The following PTPRD variants were observed in gnomAD, a reference collection of about 807,000 sequenced individuals.
PTPRD encodes protein tyrosine phosphatase receptor type D.
In PTPRD, 34 loss-of-function variants were observed where a neutral mutation model predicts 214.5. The ratio of observed to expected loss-of-function variants is 0.16; its 90% confidence interval spans 0.12 to 0.21. The LOEUF (loss-of-function observed/expected upper bound fraction) is 0.21, where lower values mean the gene tolerates loss of function less well. Ranked by LOEUF, PTPRD falls within the 10% of genes least tolerant of loss-of-function variation. The probability of loss-of-function intolerance (pLI) is 1.00; values close to 1 mark genes in which losing one functional copy is unlikely to be tolerated. For synonymous variants in PTPRD, 1,128 were observed against 845.7 expected (o/e 1.33, Z -5.79); for missense variants, 2,545 against 2,398.7 (o/e 1.06, Z -1.27).
At chr9:8,513,329 C>T (rs1055685402) in intron 21 of PTPRD, among the ~76,000 whole-genome samples, 6 of 151,998 alleles carry the variant, frequency 3.9e-5, no homozygotes, top group African/African-American at 1.4e-4. Flanking sequence ...CACAAATTTA[C>T]ATCAATCCTT....
At chr9:8,973,237 C>T (rs921144289) in intron 11 of PTPRD, among the ~76,000 whole-genome samples, 9 of 151,924 alleles carry the variant, frequency 5.9e-5, no homozygotes, top group African/African-American at 1.9e-4. Context: ...CTCTAATCAA[C>T]TGCCAAGTCT....
chr9:9,752,218 T>C (rs979841615), intron 6 of PTPRD, among the ~76,000 whole-genome samples: 3 of 152,096 alleles, frequency 2.0e-5, no homozygotes, highest in Non-Finnish European at 4.4e-5. Context: ...AAAGTATCTA[T>C]GCCATTTTGG....
At chr9:8,670,517 T>C (rs1446536006) in intron 12 of PTPRD, among the ~76,000 whole-genome samples, 1 of 152,216 alleles carries the variant, frequency 6.6e-6, no homozygotes, top group African/African-American at 2.4e-5. Context: ...CTAAAATATG[T>C]GAGATGACAG....
At chr9:10,608,079 T>C (rs574437129) in intron 2 of PTPRD, among the ~76,000 whole-genome samples, 1 of 152,146 alleles carries the variant, frequency 6.6e-6, no homozygotes, top group African/African-American at 2.4e-5. Context: ...GTTCAAATAA[T>C]TTTTTCTATG....
chr9:9,470,888 C>T (rs1029725818), intron 8 of PTPRD, among the ~76,000 whole-genome samples: 1 of 152,168 alleles, frequency 6.6e-6, no homozygotes, highest in Non-Finnish European at 1.5e-5. Context: ...ACAGATTTAA[C>T]ATGAATAGGC....
At chr9:8,736,050 T>C (rs552730828) in intron 11 of PTPRD, among the ~76,000 whole-genome samples, 10 of 152,176 alleles carry the variant, frequency 6.6e-5, no homozygotes, top group East Asian at 1.9e-4. Context: ...AGAGGAACCA[T>C]GGAACCAGGC....
chr9:9,001,760 C>T (rs2099419514), intron 11 of PTPRD, among the ~76,000 whole-genome samples: 3 of 152,008 alleles, frequency 2.0e-5, no homozygotes, highest in Non-Finnish European at 4.4e-5. Flanking sequence ...TACTAACCCG[C>T]TCTTTTGACT....
At chr9:8,581,288 A>C (rs1256919313) in intron 14 of PTPRD, among the ~76,000 whole-genome samples, 1 of 152,258 alleles carries the variant, frequency 6.6e-6, no homozygotes, top group Non-Finnish European at 1.5e-5. Context: ...AGCAGAAATT[A>C]GCAATAGGTA....
At chr9:8,706,813 C>T (rs1339038887) in intron 12 of PTPRD, among the ~76,000 whole-genome samples, 2 of 152,194 alleles carry the variant, frequency 1.3e-5, no homozygotes, top group African/African-American at 4.8e-5. Flanking sequence ...TTAACCACAG[C>T]CAGGTTGGGA....
chr9:9,440,045 G>A (rs1417859109), intron 8 of PTPRD, among the ~76,000 whole-genome samples: 1 of 152,172 alleles, frequency 6.6e-6, no homozygotes, highest in Non-Finnish European at 1.5e-5. Context: ...TTGTCATGCA[G>A]TCTAGAAACC....
Position 10,267,034 on chromosome 9 carries a change from C to CA in PTPRD, c.-545+73928dup, listed in dbSNP as rs374326990. On this transcript the variant is annotated intron_variant, in intron 3 of 45. Transcript: ENST00000381196. ...TGAAACCCCGTCTCTACTAAAAACA[C>CA]AAAAAAAATTAACTGGGAGTGGTAG... is the stretch of plus-strand genomic sequence containing the variant. Among the ~76,000 whole-genome samples the CA allele has an allele frequency of 4.3e-3, 645 of 151,024 alleles. 5 individuals are homozygous for CA. Among genetic ancestry groups the CA allele is most frequent in the African/African-American group, 0.015 (603 of 41,134 alleles).
intron 9 of PTPRD, among the ~76,000 whole-genome samples, chr9:9,273,760 C>A (rs1943880550): frequency 6.6e-6 from 1 of 151,232 alleles, no homozygotes; most frequent in South Asian, 2.1e-4. Flanking sequence ...ATGATTTGCA[C>A]AGGTGGAAGT....
At chr9:10,050,734 A>G (rs2097521464) in intron 3 of PTPRD, among the ~76,000 whole-genome samples, 1 of 151,506 alleles carries the variant, frequency 6.6e-6, no homozygotes, top group Non-Finnish European at 1.5e-5. Context: ...TATCCATGGA[A>G]CTCTCCCAAA....
chr9:10,370,885 C>T (rs1026863213), intron 2 of PTPRD, among the ~76,000 whole-genome samples: 20 of 151,834 alleles, frequency 1.3e-4, no homozygotes, highest in African/African-American at 4.6e-4. Flanking sequence ...TAATCCTCAC[C>T]CCTGGTCTGA....
At chr9:8,808,870 C>A (rs1298770256) in intron 11 of PTPRD, among the ~76,000 whole-genome samples, 1 of 152,070 alleles carries the variant, frequency 6.6e-6, no homozygotes, top group Non-Finnish European at 1.5e-5. Flanking sequence ...TCCCCAGATG[C>A]CTTATATGCA....
chr9:9,151,501 T>A (rs1211429410), intron 10 of PTPRD, among the ~76,000 whole-genome samples: 1 of 152,212 alleles, frequency 6.6e-6, no homozygotes, highest in African/African-American at 2.4e-5. Flanking sequence ...CTTGAAGTTC[T>A]GAAGAATTGG....
At chr9:10,317,276 C>T (rs1321375737) in intron 3 of PTPRD, among the ~76,000 whole-genome samples, 1 of 151,868 alleles carries the variant, frequency 6.6e-6, no homozygotes, top group Non-Finnish European at 1.5e-5. Context: ...GATTTTTATG[C>T]TATCATTTGA....
At chr9:9,326,320 A>C (rs1334711340) in intron 9 of PTPRD, among the ~76,000 whole-genome samples, 1 of 152,188 alleles carries the variant, frequency 6.6e-6, no homozygotes, top group Admixed American at 6.6e-5. Context: ...TATAATTCTG[A>C]AATTACCTAT....
intron 9 of PTPRD, among the ~76,000 whole-genome samples, chr9:9,309,814 A>G (rs555701297): frequency 6.6e-6 from 1 of 152,282 alleles, no homozygotes; most frequent in South Asian, 2.1e-4. Context: ...AGAATTTCCA[A>G]ACTTATTCTT....
Sources: allele counts gnomAD v4.1 joint callset (sites outside exome capture counted in the v4.1 genomes callset), GRCh38; gene constraint gnomAD v4.1.1; transcripts MANE v1.5; gene names NCBI Gene and HGNC (gene_info 2026-07-23, HGNC 2026-07-21).